The following GNAS-AS1 variants were observed in gnomAD, a reference collection of about 807,000 sequenced individuals.
GNAS-AS1 encodes the protein GNAS antisense RNA 1.
At chr20:58,843,097 TCAGA>T (rs1324785154) in intron 2 of GNAS-AS1, among the ~76,000 whole-genome samples, 3 of 152,092 alleles carry the variant, frequency 2.0e-5, no homozygotes, top group Admixed American at 2.0e-4. Context: ...ACACTGTCTT[TCAGA>T]CAGTCTTCCA....
rs1012045968 is a variant in GNAS-AS1 at position 58,839,571 on chromosome 20, A to G, written n.819+2366T>C. 7 of 405,712 alleles carry G rather than the reference A, an allele frequency of 1.7e-5. 1 individual carries two copies. The highest frequency in any genetic ancestry group is 1.4e-4 in the African/African-American group (7 of 48,642). The allele number at this position is 405,712 out of a possible 1,614,324, so 25.1% of individuals were successfully genotyped here. ...GGCCCCCCGCCCATCGCTTCGCCCA[A>G]ATCCTTTCAAACAAGGTTCCCTCCT... On this transcript the variant is annotated intron_variant and non_coding_transcript_variant, in intron 4 of 4. Transcript: ENST00000424094.
At chr20:58,829,909 T>C (rs1456332090) in intron 4 of GNAS-AS1, among the ~76,000 whole-genome samples, 1 of 152,126 alleles carries the variant, frequency 6.6e-6, no homozygotes, top group Non-Finnish European at 1.5e-5. Flanking sequence ...GTATTCCCAG[T>C]GCCTCGCAGA....
intron 4 of GNAS-AS1, among the ~76,000 whole-genome samples, chr20:58,838,316 C>T (rs3761264): frequency 0.37 from 56,417 of 151,956 alleles, 13,244 homozygotes; most frequent in East Asian, 0.79. Flanking sequence ...CAAGAAAGAG[C>T]GGCACTATTT....
chr20:58,827,653 C>T (rs567092931), intron 4 of GNAS-AS1, among the ~76,000 whole-genome samples: 1 of 152,310 alleles, frequency 6.6e-6, no homozygotes, highest in East Asian at 1.9e-4. Context: ...TAGAACAAGG[C>T]AAATCCTACA....
chr20:58,822,159 C>A (rs971652280), intron 4 of GNAS-AS1, among the ~76,000 whole-genome samples: 1 of 152,224 alleles, frequency 6.6e-6, no homozygotes, highest in Non-Finnish European at 1.5e-5. Flanking sequence ...CATCCATCAG[C>A]CCAGGTCTTC....
chr20:58,843,533 C>T (rs1467719344), intron 2 of GNAS-AS1: 1 of 152,178 alleles, frequency 6.6e-6, no homozygotes, highest in Non-Finnish European at 1.5e-5. Context: ...GCCCACTTGC[C>T]CCTTTTACAT....
intron 4 of GNAS-AS1, among the ~76,000 whole-genome samples, chr20:58,832,633 A>C (rs2085574623): frequency 6.6e-6 from 1 of 152,220 alleles, no homozygotes; most frequent in Non-Finnish European, 1.5e-5. Flanking sequence ...TCACTAACTG[A>C]GCAGGAATGA....
rs558969394 is a variant in GNAS-AS1, at chr20:58,840,223, C to T, written n.819+1714G>A. On this transcript the variant is annotated intron_variant and non_coding_transcript_variant, in intron 4 of 4. Coordinates refer to ENST00000424094, the Ensembl canonical transcript of GNAS-AS1. This position sits in a 1 kb window ranked among gnomAD's most constrained non-coding sequence, Gnocchi z 6.0. Reference sequence around the variant, plus strand: ...CGCTCCTCTGGCTCTCCTGCTCCATCGCGCTCCTCCGCGCCCTTGCCACCT... The same window carrying T: ...CGCTCCTCTGGCTCTCCTGCTCCATTGCGCTCCTCCGCGCCCTTGCCACCT... 1.2e-6 allele frequency: 2 copies of T among 1,610,908 alleles called. No individual in the cohort carries two copies. The highest frequency in any genetic ancestry group is 1.3e-5 in the African/African-American group (1 of 75,042).
At chr20:58,830,521 A>ATCACCATCAC (rs2085557723) in intron 4 of GNAS-AS1, among the ~76,000 whole-genome samples, 1 of 452 alleles carries the variant, frequency 2.2e-3, no homozygotes, top group Non-Finnish European at 4.9e-3. Context: ...CATCACCACC[A>ATCACCATCAC]CACCACCATC....
intron 4 of GNAS-AS1, among the ~76,000 whole-genome samples, chr20:58,830,274 ACCGCCACACCACCATCAC>A (rs2085548157): frequency 7.0e-6 from 1 of 143,246 alleles, no homozygotes; most frequent in Non-Finnish European, 1.5e-5. Context: ...CATCACCACC[ACCGCCACACCACCATCAC>A]CACCACCATC....
At chr20:58,832,839 C>T (rs558816730) in intron 4 of GNAS-AS1, among the ~76,000 whole-genome samples, 1 of 152,350 alleles carries the variant, frequency 6.6e-6, no homozygotes, top group African/African-American at 2.4e-5. Flanking sequence ...CAAGCCTCTC[C>T]TTAAGTATTT....
At chr20:58,818,971 C>A in exon 5 of GNAS-AS1, 1 of 398,432 alleles carries the variant, frequency 2.5e-6, no homozygotes, top group Non-Finnish European at 4.4e-6. Context: ...ACTAGATACG[C>A]CCCATCTCCA....
intron 4 of GNAS-AS1, among the ~76,000 whole-genome samples, chr20:58,831,145 T>A (rs567608134): frequency 6.6e-6 from 1 of 152,122 alleles, no homozygotes; most frequent in South Asian, 2.1e-4. Context: ...TAAAAAGAAG[T>A]CCAGATTTAC....
Position 58,840,082 on chromosome 20 carries a change from G to A in GNAS-AS1, n.819+1855C>T. ...TCTCTGCAGAGCCAGAGGGCAGGCC[G>A]GCTTCTCGGTGTGTGCCTAAGAGGA... On this transcript the variant is annotated intron_variant and non_coding_transcript_variant, in intron 4 of 4. Coordinates refer to ENST00000424094, the Ensembl canonical transcript of GNAS-AS1. This position sits in a 1 kb window ranked among gnomAD's most constrained non-coding sequence, Gnocchi z 6.0. The A allele has an allele frequency of 6.2e-7, 1 of 1,608,640 alleles. No homozygotes were observed. Among genetic ancestry groups the A allele is most frequent in the Non-Finnish European group, 8.5e-7 (1 of 1,179,868 alleles).
intron 2 of GNAS-AS1, among the ~76,000 whole-genome samples, chr20:58,847,069 G>A (rs370343241): frequency 3.1e-4 from 47 of 152,208 alleles, no homozygotes; most frequent in African/African-American, 9.4e-4. Context: ...TGGACCCACT[G>A]TTCAAGCACA....
chr20:58,846,328 T>G (rs1170739267), intron 2 of GNAS-AS1, among the ~76,000 whole-genome samples: 1 of 152,110 alleles, frequency 6.6e-6, no homozygotes, highest in South Asian at 2.1e-4. Flanking sequence ...AGGGACAGAC[T>G]TCAGCTCAAC....
chr20:58,832,312 A>G (rs939252589), intron 4 of GNAS-AS1, among the ~76,000 whole-genome samples: 1 of 152,242 alleles, frequency 6.6e-6, no homozygotes, highest in Non-Finnish European at 1.5e-5. Flanking sequence ...TGAGAGAAAT[A>G]GTGACCTGAA....
intron 3 of GNAS-AS1, chr20:58,842,233 A>G (rs777375142): frequency 2.3e-5 from 9 of 398,378 alleles, no homozygotes; most frequent in Admixed American, 1.3e-4. Flanking sequence ...GGAAAGACTG[A>G]TAAGTGAAAT....
At chr20:58,832,978 G>T (rs1454728139) in intron 4 of GNAS-AS1, among the ~76,000 whole-genome samples, 1 of 152,204 alleles carries the variant, frequency 6.6e-6, no homozygotes, top group African/African-American at 2.4e-5. Flanking sequence ...GACACAGGCT[G>T]GCGGCTACAA....
Sources: allele counts gnomAD v4.1 joint callset (sites outside exome capture counted in the v4.1 genomes callset), GRCh38; gene constraint gnomAD v4.1.1; non-coding constraint Gnocchi (gnomAD v3.1); transcripts MANE v1.5; gene names NCBI Gene and HGNC (gene_info 2026-07-23, HGNC 2026-07-21).